Variants in LPIN3 observed in about 807,000 individuals in gnomAD.
LPIN3 encodes the protein lipin 3.
Under a neutral mutation model 94.7 loss-of-function variants are expected in LPIN3, and 82 were observed. The observed-to-expected ratio is 0.87, with a 90% CI of 0.72 to 1.04. The LOEUF (loss-of-function observed/expected upper bound fraction) is 1.04, where lower values mean the gene tolerates loss of function less well. Among genes scored for constraint, LPIN3 ranks in the 50% least tolerant of loss-of-function variants. LPIN3 has a pLI of 0.00. For synonymous variants in LPIN3, 418 were observed against 443.3 expected, an observed-to-expected ratio of 0.94 and a Z score of 0.72; for missense variants, 996 against 1,090.5, an observed-to-expected ratio of 0.91 and a Z score of 1.22.
chr20:41,358,542 C>A lies in LPIN3; in HGVS notation c.2411C>A (p.Thr804Lys), dbSNP rs201841413. 6.2e-7 allele frequency: 1 copy of A among 1,613,964 alleles called. No homozygotes were observed. Among genetic ancestry groups the A allele is most frequent in the South Asian group, 1.1e-5 (1 of 91,070 alleles). ...GAGCTCATAAAGAACCACAAATCCA[C>A]GTGAGGCTAAACCCTGCCATGTTCC... ...IQELIKNHKSTYERLGEVVEL... is the reference protein window; with the variant it reads ...IQELIKNHKSKYERLGEVVEL... The change falls in exon 19 of 20, where the codon ACG (threonine) becomes AAG (lysine). Residue 804 changes from threonine (T) to lysine (K), a missense_variant and splice_region_variant. Thr to Lys is a moderately conservative substitution (Grantham distance 78). Coordinates refer to ENST00000373257, the MANE Select transcript of LPIN3 (RefSeq NM_022896.3).
At position 41,357,171 on chromosome 20, in the gene LPIN3, C is replaced by T. The variant is rs971427006; in HGVS notation, c.1935C>T (p.Ile645=). ...ACGACAAGGTGGTCATCTCTGACATCGACGGCACCATCACCAAGTGAGGCC... is the reference window on the plus strand; with the variant it reads ...ACGACAAGGTGGTCATCTCTGACATTGACGGCACCATCACCAAGTGAGGCC... ...KWDDKVVISD[I]DGTITKSDAL... The change falls in exon 15 of 20, where the codon ATC becomes ATT. Residue 645 remains isoleucine, a synonymous_variant. Transcript: ENST00000373257. 41 of 1,613,928 alleles carry T rather than the reference C, an allele frequency of 2.5e-5. No individual in the cohort carries two copies. Among genetic ancestry groups the T allele is most frequent in the Admixed American group, 3.3e-5 (2 of 60,002 alleles).
Position 41,345,955 on chromosome 20 carries a change from G to A in LPIN3, c.152G>A (p.Arg51His), listed in dbSNP as rs770415979. Residue 51 changes from arginine to histidine, a missense_variant, in exon 2 of 20, where the codon CGT becomes CAT. By Grantham distance (29) the Arg-to-His change is conservative (BLOSUM62 0). Transcript: ENST00000373257. Reference sequence around the variant, plus strand: ...TTCCGGTGCTCACCCTTCCACGTGCGTTTTGGCAAGCTGGGCGTCCTGCGG... The same window carrying A: ...TTCCGGTGCTCACCCTTCCACGTGCATTTTGGCAAGCTGGGCGTCCTGCGG... Reference protein sequence around the residue: ...GSFRCSPFHVRFGKLGVLRSR... With the variant: ...GSFRCSPFHVHFGKLGVLRSR... 14 of 1,613,990 alleles carry A rather than the reference G, an allele frequency of 8.7e-6. No homozygotes were observed. The highest frequency in any genetic ancestry group is 1.3e-5 in the African/African-American group (1 of 74,928).
chr20:41,351,853 A>C lies in LPIN3; in HGVS notation c.1135A>C (p.Ser379Arg). 1.9e-6 allele frequency: 3 copies of C among 1,614,236 alleles called. No homozygotes were observed. Among genetic ancestry groups the C allele is most frequent in the Non-Finnish European group, 1.7e-6 (2 of 1,180,048 alleles). The change falls in exon 8 of 20, where the codon AGT becomes CGT. Residue 379 changes from serine (S) to arginine (R), a missense_variant. Coordinates refer to ENST00000373257, the MANE Select transcript of LPIN3 (RefSeq NM_022896.3). Reference sequence around the variant, plus strand: ...AAAGAGAAGCCAGCACCTGGGCCCCAGTGACATCTACCTGGATGACTTGCC... The same window carrying C: ...AAAGAGAAGCCAGCACCTGGGCCCCCGTGACATCTACCTGGATGACTTGCC... Reference protein sequence around the residue: ...SPKRSQHLGPSDIYLDDLPSL... With the variant: ...SPKRSQHLGPRDIYLDDLPSL...
In LPIN3 at chr20:41,356,015, G is replaced by T. The variant is rs1418396808; in HGVS notation, c.1784G>T (p.Arg595Leu). The change falls in exon 14 of 20, where the codon CGC becomes CTC. Residue 595 changes from arginine (R) to leucine (L), a missense_variant. Coordinates refer to ENST00000373257, the MANE Select transcript of LPIN3 (RefSeq NM_022896.3). ...ACTCCTACCTACAAGAAGTCCCTCC[G>T]CCTCTCCTCCGATCAGATCGTAAGT... ...PSTPTYKKSL[R>L]LSSDQIRRLN... 6.2e-7 allele frequency: 1 copy of T among 1,613,930 alleles called. No individual in the cohort carries two copies. The highest frequency in any genetic ancestry group is 8.5e-7 in the Non-Finnish European group (1 of 1,179,978).
chr20:41,360,314 C>T lies in LPIN3; in HGVS notation c.*1448C>T, dbSNP rs1442915372. The stretch of plus-strand genomic sequence containing the variant: ...CCTTTCCTCCAGCTGGTGGCTCCTT[C>T]TCAGGGCCTGGCCTCATTCAGGCCA... On this transcript the variant is annotated 3_prime_UTR_variant, in exon 20 of 20. Coordinates refer to ENST00000373257, the MANE Select transcript of LPIN3 (RefSeq NM_022896.3). 13 of 152,284 alleles carry T rather than the reference C, an allele frequency of 8.5e-5. No individual in the cohort carries two copies. Among genetic ancestry groups the T allele is most frequent in the Non-Finnish European group, 1.9e-4 (13 of 68,038 alleles). The allele number at this position is 152,284 out of a possible 1,614,324, so 9.4% of individuals were successfully genotyped here.
In LPIN3 at chr20:41,358,802, A is replaced by C. The variant is rs532985828; in HGVS notation, c.2492A>C (p.Glu831Ala). 4 of 1,614,014 alleles carry C rather than the reference A, an allele frequency of 2.5e-6. No homozygotes were observed. The African/African-American group carries it at 5.3e-5, about 22-fold the overall frequency. ...RGPSTDLANPEYSNFCYWREP... is the reference protein window; with the variant it reads ...RGPSTDLANPAYSNFCYWREP... ...CCCAGCACAGACCTGGCCAACCCTG[A>C]ATACAGTAACTTCTGCTACTGGCGG... The change falls in exon 20 of 20, where the codon GAA (glutamate) becomes GCA (alanine). Residue 831 changes from glutamate (E) to alanine (A), a missense_variant. Coordinates refer to ENST00000373257, the MANE Select transcript of LPIN3 (RefSeq NM_022896.3).
intron 5 of LPIN3, among the ~76,000 whole-genome samples, chr20:41,349,433 T>C (rs899900555): frequency 3.3e-5 from 5 of 152,094 alleles, no homozygotes; most frequent in Admixed American, 1.3e-4. Context: ...TGAATGACCA[T>C]CACCACTATC....
chr20:41,357,758 C>G (rs2046264087), intron 16 of LPIN3, 124 bp from the exon 17 acceptor site: 4 of 1,307,506 alleles, frequency 3.1e-6, no homozygotes, highest in Non-Finnish European at 4.3e-6. Context: ...CTCTTCAAGT[C>G]CCCTCCCTGC....
chr20:41,347,893 G>A (rs1275137753), intron 3 of LPIN3, among the ~76,000 whole-genome samples: 2 of 152,204 alleles, frequency 1.3e-5, no homozygotes, highest in Non-Finnish European at 2.9e-5. Context: ...TTTCTCAGAA[G>A]ACTGGACCCC....
chr20:41,351,407 C>T (rs989187334), intron 7 of LPIN3, among the ~76,000 whole-genome samples: 1 of 151,164 alleles, frequency 6.6e-6, no homozygotes, highest in Non-Finnish European at 1.5e-5. Flanking sequence ...AGTGATTCTC[C>T]TTCCTCAGCC....
chr20:41,347,385 G>A (rs2045819273), intron 2 of LPIN3, among the ~76,000 whole-genome samples, 167 bp from the exon 3 acceptor site: 1 of 152,182 alleles, frequency 6.6e-6, no homozygotes, highest in African/African-American at 2.4e-5. Flanking sequence ...ATGCAGCAGA[G>A]CCCCCCTTCG....
chr20:41,357,768 C>T, intron 16 of LPIN3, 114 bp from the exon 17 acceptor site: 2 of 1,402,164 alleles, frequency 1.4e-6, no homozygotes, highest in Admixed American at 3.8e-5. Context: ...CCCCTCCCTG[C>T]AAAGGTTGGA....
intron 11 of LPIN3, 85 bp downstream of exon 11, chr20:41,352,952 T>A: frequency 6.9e-7 from 1 of 1,458,660 alleles, no homozygotes. Context: ...AAGTGAAGGG[T>A]GAGCAGAGAT....
At chr20:41,347,900 C>T (rs1160080362) in intron 3 of LPIN3, among the ~76,000 whole-genome samples, 1 of 152,162 alleles carries the variant, frequency 6.6e-6, no homozygotes, top group Non-Finnish European at 1.5e-5. Flanking sequence ...GAAGACTGGA[C>T]CCCTGAGCTG....
chr20:41,345,716 T>G (rs2045743787), intron 1 of LPIN3, 80 bp from the exon 2 acceptor site: 1 of 1,420,206 alleles, frequency 7.0e-7, no homozygotes, highest in Middle Eastern at 1.9e-4. Flanking sequence ...AACTTGGGGG[T>G]CTGTGTGGTC....
intron 14 of LPIN3, 22 bp from the exon 15 acceptor site, chr20:41,357,018 A>G: frequency 1.2e-6 from 2 of 1,604,968 alleles, no homozygotes; most frequent in Non-Finnish European, 1.7e-6. Flanking sequence ...ATCACGACAC[A>G]CCCCCCTTTG....
intron 4 of LPIN3, 48 bp downstream of exon 4, chr20:41,348,935 C>CCT: frequency 6.3e-7 from 1 of 1,588,100 alleles, no homozygotes; most frequent in African/African-American, 1.3e-5. Flanking sequence ...GGTTCAAGTG[C>CCT]TGTTTCCTCT....
Position 41,349,741 on chromosome 20 carries a change from C to T in LPIN3, c.639-33C>T, listed in dbSNP as rs367972879. The T allele has an allele frequency of 3.8e-6, 6 of 1,586,222 alleles. No individual in the cohort carries two copies. In the Admixed American group the frequency reaches 5.4e-5, roughly 14 times the overall value. ...GTGGGCAGCAGCGGGGATGGGTAGG[C>T]AGGCTCAAGGCCTCTCAATATGTCT... On this transcript the variant is annotated intron_variant, in intron 5 of 19. Transcript: ENST00000373257.
At chr20:41,356,919 T>G in intron 14 of LPIN3, 121 bp from the exon 15 acceptor site, 1 of 1,195,552 alleles carries the variant, frequency 8.4e-7, no homozygotes, top group Non-Finnish European at 1.2e-6. Flanking sequence ...GAAGCATCTC[T>G]GAGCTGGGAG....
Sources: allele counts gnomAD v4.1 joint callset (sites outside exome capture counted in the v4.1 genomes callset), GRCh38; gene constraint gnomAD v4.1.1; transcripts MANE v1.5; gene names NCBI Gene and HGNC (gene_info 2026-07-23, HGNC 2026-07-21).